Variants in RAI1 observed in about 807,000 individuals in gnomAD.
RAI1 encodes the protein retinoic acid induced 1.
In RAI1, 9 loss-of-function variants were observed where a neutral mutation model predicts 123.8. The observed-to-expected ratio is 0.07, with a 90% CI of 0.04 to 0.13. The LOEUF (loss-of-function observed/expected upper bound fraction) is 0.13. RAI1 is among the 10% of genes least tolerant of loss of function. The pLI, the probability that RAI1 is intolerant of heterozygous loss-of-function variation, is 1.00. For missense variants in RAI1, 2,256 were observed against 2,545.8 expected (o/e 0.89, Z 2.45); for synonymous variants, 1,231 against 1,127.3 (o/e 1.09, Z -1.84).
chr17:17,744,392 G>C (rs958890063), intron 2 of RAI1, among the ~76,000 whole-genome samples: 1 of 152,236 alleles, frequency 6.6e-6, no homozygotes, highest in Non-Finnish European at 1.5e-5. Context: ...GCCCCACACA[G>C]AACTGGTTCA....
Position 17,810,022 on chromosome 17 carries a change from T to TGCCC in RAI1, c.*49_*52dup, listed in dbSNP as rs1439294802. 5.2e-6 allele frequency: 8 copies of TGCCC among 1,542,686 alleles called. No individual in the cohort carries two copies. Among genetic ancestry groups the TGCCC allele is most frequent in the Non-Finnish European group, 6.1e-6 (7 of 1,144,464 alleles). On this transcript the variant is annotated 3_prime_UTR_variant, in exon 6 of 6. Transcript: ENST00000353383. This position sits in a 1 kb window ranked among gnomAD's most constrained non-coding sequence, Gnocchi z 4.6. ...GCCGGAGGAGCCGCCGGAGCCCGCC[T>TGCCC]GCCCGCCCGCCGCCGAAGGAGAGGA... is the stretch of plus-strand genomic sequence containing the variant.
intron 2 of RAI1, chr17:17,777,408 A>G (rs751998326): frequency 6.6e-6 from 1 of 152,196 alleles, no homozygotes; most frequent in Admixed American, 6.5e-5. Flanking sequence ...CCCGTTACCA[A>G]CTGCAAGATC....
At position 17,801,492 on chromosome 17, in the gene RAI1, G is replaced by A. The variant is rs1188669030; in HGVS notation, c.5566-2264G>A. On this transcript the variant is annotated intron_variant, in intron 3 of 5. Coordinates refer to ENST00000353383, the MANE Select transcript of RAI1 (RefSeq NM_030665.4). The surrounding 1 kb of genome is among the most constrained non-coding windows in gnomAD (Gnocchi z 4.1). ...AGTGGAGAGAAGCCTTCAGCCAGAG[G>A]ACCCCCATATGCTTAAACATCCAGA... 6.6e-6 allele frequency among the ~76,000 whole-genome samples: 1 copy of A among 152,154 alleles called. No homozygotes were observed. The highest frequency in any genetic ancestry group is 1.5e-5 in the Non-Finnish European group (1 of 68,026).
chr17:17,786,011 T>C (rs1395954877), intron 2 of RAI1, among the ~76,000 whole-genome samples: 1 of 152,188 alleles, frequency 6.6e-6, no homozygotes, highest in African/African-American at 2.4e-5. Context: ...TTTTGTAAAA[T>C]CCTGATTTCT....
Position 17,795,340 on chromosome 17 carries a change from C to G in RAI1, c.2392C>G (p.Pro798Ala), listed in dbSNP as rs148947371. The G allele has an allele frequency of 1.2e-6, 2 of 1,600,308 alleles. No homozygotes were observed. Among genetic ancestry groups the G allele is most frequent in the South Asian group, 2.2e-5 (2 of 90,106 alleles). ...SACLGFQEED[P>A]PGEKVASLPG... ...CTGCCTGGGCTTCCAGGAGGAGGAC[C>G]CCCCTGGGGAGAAGGTGGCCTCGTT... Residue 798 changes from proline (P) to alanine (A), a missense_variant, in exon 3 of 6, where the codon CCC (proline) becomes GCC (alanine). Pro to Ala is a conservative substitution (Grantham distance 27). Around this residue, in one of 7 missense-constraint regions of RAI1, gnomAD observed 566 missense variants for 616.0 expected, o/e 0.92. Coordinates refer to ENST00000353383, the MANE Select transcript of RAI1 (RefSeq NM_030665.4). This position sits in a 1 kb window ranked among gnomAD's most constrained non-coding sequence, Gnocchi z 5.9.
At chr17:17,758,618 A>T (rs763236682) in intron 2 of RAI1, among the ~76,000 whole-genome samples, 14 of 152,230 alleles carry the variant, frequency 9.2e-5, no homozygotes, top group African/African-American at 2.7e-4. Flanking sequence ...GTATCTGGGC[A>T]CCAGAGATTT....
At chr17:17,747,232 G>A (rs1337143222) in intron 2 of RAI1, among the ~76,000 whole-genome samples, 1 of 152,130 alleles carries the variant, frequency 6.6e-6, no homozygotes, top group Non-Finnish European at 1.5e-5. Context: ...AAGAAATGGA[G>A]ACAGCTCACA....
At chr17:17,802,220 G>A (rs563191940) in intron 3 of RAI1, 1 of 466,080 alleles carries the variant, frequency 2.1e-6, no homozygotes, top group South Asian at 1.6e-5. Flanking sequence ...AGACTTAGAG[G>A]AGGACGGCAT....
rs1262470000 is a variant in RAI1 at position 17,800,365 on chromosome 17, C to G, written c.5565+1852C>G. On this transcript the variant is annotated intron_variant, in intron 3 of 5. Transcript: ENST00000353383. The surrounding 1 kb of genome is among the most constrained non-coding windows in gnomAD (Gnocchi z 4.7). ...AGCCCCATTCCTGAAAGCCTTGTCC[C>G]CACGGCATCCTCGGTCCCGCAGCCT... Among the ~76,000 whole-genome samples the G allele has an allele frequency of 1.3e-5, 2 of 152,180 alleles. No individual in the cohort carries two copies. Among genetic ancestry groups the G allele is most frequent in the Non-Finnish European group, 2.9e-5 (2 of 68,030 alleles).
In RAI1 at chr17:17,797,878, G is replaced by A. The variant is rs2032322484; in HGVS notation, c.4930G>A (p.Ala1644Thr). 4 of 1,613,914 alleles carry A rather than the reference G, an allele frequency of 2.5e-6. No homozygotes were observed. The highest frequency in any genetic ancestry group is 3.4e-6 in the Non-Finnish European group (4 of 1,180,016). ...SSSSSSFSLDAAGASLATLPG... is the reference protein window; with the variant it reads ...SSSSSSFSLDTAGASLATLPG... ...ATCCTCGTCCTCGTTCTCCTTGGAT[G>A]CAGCCGGGGCCTCCCTGGCCACACT... The change falls in exon 3 of 6, where the codon GCA becomes ACA. Residue 1644 changes from alanine to threonine, a missense_variant. This residue lies in a region of RAI1 where 410 missense variants were observed against 374.6 expected (regional missense o/e 1.09). Coordinates refer to ENST00000353383, the MANE Select transcript of RAI1 (RefSeq NM_030665.4).
intron 2 of RAI1, among the ~76,000 whole-genome samples, chr17:17,743,803 T>C (rs1916719209): frequency 6.6e-6 from 1 of 152,246 alleles, no homozygotes; most frequent in Non-Finnish European, 1.5e-5. Flanking sequence ...TTGGCTGCCA[T>C]GGATCCCTTC....
intron 2 of RAI1, among the ~76,000 whole-genome samples, chr17:17,782,898 G>A (rs929272753): frequency 6.6e-6 from 1 of 152,204 alleles, no homozygotes; most frequent in African/African-American, 2.4e-5. Context: ...GGAGGGAGCT[G>A]CGGAGGCCGT....
At chr17:17,767,488 T>C (rs2030983913) in intron 2 of RAI1, among the ~76,000 whole-genome samples, 1 of 152,144 alleles carries the variant, frequency 6.6e-6, no homozygotes, top group Non-Finnish European at 1.5e-5. Context: ...AACACACTGA[T>C]GTTAGTACTT....
intron 2 of RAI1, among the ~76,000 whole-genome samples, chr17:17,768,324 T>C: frequency 6.6e-6 from 1 of 152,194 alleles, no homozygotes; most frequent in East Asian, 1.9e-4. Context: ...TGAGTTTTTA[T>C]TACTTTGTGA....
At chr17:17,704,688 C>G (rs1462895066) in intron 1 of RAI1, among the ~76,000 whole-genome samples, 1 of 152,144 alleles carries the variant, frequency 6.6e-6, no homozygotes, top group African/African-American at 2.4e-5. Flanking sequence ...GTGAAACTCC[C>G]ACTTCAGGTC....
chr17:17,774,124 GC>G (rs2031256691), intron 2 of RAI1, among the ~76,000 whole-genome samples: 1 of 152,152 alleles, frequency 6.6e-6, no homozygotes, highest in Non-Finnish European at 1.5e-5. Flanking sequence ...TCAGAACAGG[GC>G]CCAACACATG....
intron 2 of RAI1, among the ~76,000 whole-genome samples, chr17:17,752,047 A>G (rs1178751917): frequency 1.6e-4 from 25 of 152,156 alleles, no homozygotes; most frequent in Admixed American, 1.6e-3. Flanking sequence ...TTGTTGAAGT[A>G]TGAGTGAATT....
At chr17:17,687,722 G>A (rs1019126594) in intron 1 of RAI1, among the ~76,000 whole-genome samples, 1 of 152,046 alleles carries the variant, frequency 6.6e-6, no homozygotes, top group Non-Finnish European at 1.5e-5. Flanking sequence ...AATGTGAACG[G>A]GCTTTGTTGT....
intron 2 of RAI1, among the ~76,000 whole-genome samples, chr17:17,749,518 G>A (rs1268748534): frequency 6.6e-6 from 1 of 152,232 alleles, no homozygotes; most frequent in Non-Finnish European, 1.5e-5. Context: ...CTATTAGCAT[G>A]GCCACAATTT....
Sources: allele counts gnomAD v4.1 joint callset (sites outside exome capture counted in the v4.1 genomes callset), GRCh38; gene constraint gnomAD v4.1.1; regional missense constraint gnomAD v4.1.1; non-coding constraint Gnocchi (gnomAD v3.1); transcripts MANE v1.5; gene names NCBI Gene and HGNC (gene_info 2026-07-23, HGNC 2026-07-21).